The following TDRD3 variants were observed in gnomAD, a reference collection of about 807,000 sequenced individuals.
The protein encoded by TDRD3 is tudor domain-containing protein 3.
A neutral mutation model predicts 86.7 loss-of-function variants in TDRD3; 45 were observed. That is an observed-to-expected ratio of 0.52 (90% CI 0.41 to 0.67). TDRD3 has a LOEUF of 0.67. Among genes scored for constraint, TDRD3 ranks in the 30% least tolerant of loss-of-function variants. The probability of loss-of-function intolerance (pLI) is 0.00; values close to 1 mark genes in which losing one functional copy is unlikely to be tolerated. For missense variants in TDRD3, 814 were observed against 889.0 expected (o/e 0.92, Z 1.07); for synonymous variants, 298 against 301.7 (o/e 0.99, Z 0.13).
At chr13:60,411,526 A>G (rs1954366751) in intron 1 of TDRD3, among the ~76,000 whole-genome samples, 1 of 152,244 alleles carries the variant, frequency 6.6e-6, no homozygotes. Context: ...GCTTAAAAAA[A>G]ATGCCCTGCC....
In TDRD3 at chr13:60,573,734, A is replaced by G; in HGVS notation, c.*128A>G. 1.1e-6 allele frequency: 1 copy of G among 887,330 alleles called. No individual in the cohort carries two copies. The highest frequency in any genetic ancestry group is 6.2e-5 in the Admixed American group (1 of 16,150). 55.0% of individuals were successfully genotyped at this position (887,330 alleles called of 1,614,324 possible). On this transcript the variant is annotated 3_prime_UTR_variant, in exon 14 of 14. Transcript: ENST00000377881. ...TGGATATTATTATTTGAAGAAAGAA[A>G]AAACAGATTTTAGGGTGGAAAAAAC...
At chr13:60,559,018 C>G (rs1301177535) in intron 12 of TDRD3, among the ~76,000 whole-genome samples, 1 of 147,546 alleles carries the variant, frequency 6.8e-6, no homozygotes, top group Middle Eastern at 3.3e-3. Context: ...TCACAATAAG[C>G]TAAGTTCCTG....
chr13:60,467,352 C>A lies in TDRD3; in HGVS notation c.468C>A (p.His156Gln), dbSNP rs977637474. The A allele has an allele frequency of 2.5e-6, 4 of 1,613,666 alleles. No homozygotes were observed. Among genetic ancestry groups the A allele is most frequent in the Admixed American group, 1.7e-5 (1 of 59,938 alleles). Residue 156 changes from histidine to glutamine, a missense_variant, in exon 5 of 14, where the codon CAC becomes CAA. Coordinates refer to ENST00000377881, the MANE Select transcript of TDRD3 (RefSeq NM_001146070.2). ...NTTVLGGEVE[H>Q]LIEKWELQRS... ...CAGTTCTTGGTGGTGAAGTGGAACACCTTATTGAGAAATGGGAGTTACAGA... is the reference window on the plus strand; with the variant it reads ...CAGTTCTTGGTGGTGAAGTGGAACAACTTATTGAGAAATGGGAGTTACAGA...
At chr13:60,455,661 A>G (rs1237300006) in intron 3 of TDRD3, among the ~76,000 whole-genome samples, 1 of 152,042 alleles carries the variant, frequency 6.6e-6, no homozygotes. Flanking sequence ...ACTGAATCAC[A>G]CTCATATATT....
chr13:60,489,652 C>T (rs879337619), intron 7 of TDRD3, among the ~76,000 whole-genome samples: 2 of 152,154 alleles, frequency 1.3e-5, no homozygotes, highest in African/African-American at 4.8e-5. Flanking sequence ...CTACTTGGCA[C>T]AAATCATAAC....
intron 5 of TDRD3, among the ~76,000 whole-genome samples, chr13:60,472,502 C>A (rs1043831869): frequency 4.6e-5 from 7 of 152,104 alleles, no homozygotes; most frequent in Non-Finnish European, 7.4e-5. Flanking sequence ...CAAAAACCCC[C>A]AGAAAATAGC....
At chr13:60,551,710 C>T (rs569513367) in intron 12 of TDRD3, among the ~76,000 whole-genome samples, 84 of 152,190 alleles carry the variant, frequency 5.5e-4, no homozygotes, top group African/African-American at 2.0e-3. Flanking sequence ...CCTGAGACTG[C>T]GTAATTTATT....
intron 2 of TDRD3, among the ~76,000 whole-genome samples, chr13:60,440,812 C>A (rs1955245527): frequency 6.6e-6 from 1 of 152,004 alleles, no homozygotes; most frequent in African/African-American, 2.4e-5. Context: ...CAATGAAATT[C>A]CTAAGAGAAC....
intron 10 of TDRD3, among the ~76,000 whole-genome samples, chr13:60,521,513 A>G (rs1360388343): frequency 1.3e-5 from 2 of 152,176 alleles, no homozygotes; most frequent in East Asian, 1.9e-4. Context: ...TATAGTCACT[A>G]AACTGGAAAG....
At chr13:60,440,574 G>A (rs1473318390) in intron 2 of TDRD3, among the ~76,000 whole-genome samples, 2 of 151,960 alleles carry the variant, frequency 1.3e-5, no homozygotes, top group Non-Finnish European at 2.9e-5. Flanking sequence ...CCAGCTACTC[G>A]GGAGGCTGAG....
chr13:60,567,890 ATTT>A lies in TDRD3; in HGVS notation c.*9+256_*9+258del, dbSNP rs58242240. ...AGGCATCCACCACCATGCCCAGCTG[ATTT>A]TTTTTTTTTTTTTTTGTATTTTTAG... On this transcript the variant is annotated intron_variant, in intron 13 of 13. Coordinates refer to ENST00000377881, the MANE Select transcript of TDRD3 (RefSeq NM_001146070.2). 2.1e-3 allele frequency among the ~76,000 whole-genome samples: 277 copies of A among 132,898 alleles called. 1 individual carries two copies. Among genetic ancestry groups the A allele is most frequent in the South Asian group, 0.012 (47 of 4,066 alleles). 87.2% of individuals were successfully genotyped at this position (132,898 alleles called of 152,430 possible).
intron 2 of TDRD3, among the ~76,000 whole-genome samples, chr13:60,441,651 G>C (rs9528138): frequency 6.6e-6 from 1 of 151,908 alleles, no homozygotes; most frequent in African/African-American, 2.4e-5. Context: ...TGAGAAAGAC[G>C]TGTATTATTG....
chr13:60,441,889 A>G (rs912828179), intron 2 of TDRD3, among the ~76,000 whole-genome samples: 3 of 152,208 alleles, frequency 2.0e-5, no homozygotes, highest in Admixed American at 1.3e-4. Context: ...CAAAGGTACC[A>G]GAATTTCAGA....
At chr13:60,402,585 T>C (rs1204483404) in intron 1 of TDRD3, among the ~76,000 whole-genome samples, 1 of 152,070 alleles carries the variant, frequency 6.6e-6, no homozygotes, top group African/African-American at 2.4e-5. Flanking sequence ...GTAAGTCACA[T>C]GTACAAGACA....
chr13:60,511,343 T>C (rs1957056441), intron 10 of TDRD3, among the ~76,000 whole-genome samples: 2 of 152,218 alleles, frequency 1.3e-5, no homozygotes, highest in African/African-American at 4.8e-5. Context: ...CATTCAGATA[T>C]ATTTTGAATC....
Position 60,485,779 on chromosome 13 carries a change from A to G in TDRD3, c.568-20A>G. 6.5e-7 allele frequency: 1 copy of G among 1,549,606 alleles called. No homozygotes were observed. The highest frequency in any genetic ancestry group is 1.3e-5 in the South Asian group (1 of 79,962). ...TCTTTTGGAACTACTAAGTTGACTTATTCTTACTTGTTTTACTAGAAGTGT... is the reference window on the plus strand; with the variant it reads ...TCTTTTGGAACTACTAAGTTGACTTGTTCTTACTTGTTTTACTAGAAGTGT... On this transcript the variant is annotated intron_variant, in intron 6 of 13. Transcript: ENST00000377881.
chr13:60,551,068 ATGTATT>A (rs1362854805), intron 12 of TDRD3, among the ~76,000 whole-genome samples: 1 of 152,114 alleles, frequency 6.6e-6, no homozygotes, highest in African/African-American at 2.4e-5. Flanking sequence ...TAATTTCATT[ATGTATT>A]TAAAATGCGA....
chr13:60,573,420 A>G (rs1044519643), intron 13 of TDRD3, among the ~76,000 whole-genome samples, 196 bp from the exon 14 acceptor site: 6 of 152,234 alleles, frequency 3.9e-5, no homozygotes, highest in Non-Finnish European at 8.8e-5. Context: ...TATTTTCAAA[A>G]AAATTTTGCT....
chr13:60,462,014 T>C (rs1182754336), intron 4 of TDRD3, among the ~76,000 whole-genome samples: 2 of 152,208 alleles, frequency 1.3e-5, no homozygotes, highest in Non-Finnish European at 2.9e-5. Flanking sequence ...TTTTCTTCTT[T>C]CATCTGGTGT....
Sources: allele counts gnomAD v4.1 joint callset (sites outside exome capture counted in the v4.1 genomes callset), GRCh38; gene constraint gnomAD v4.1.1; transcripts MANE v1.5; gene names NCBI Gene and HGNC (gene_info 2026-07-23, HGNC 2026-07-21).